Variants in LAMC1 observed in about 807,000 individuals in gnomAD.
LAMC1 encodes laminin subunit gamma-1.
A neutral mutation model predicts 173.6 loss-of-function variants in LAMC1; 38 were observed. The ratio of observed to expected loss-of-function variants is 0.22; its 90% CI spans 0.17 to 0.29. LAMC1 has a LOEUF of 0.29. Ranked by LOEUF, LAMC1 falls within the 10% of genes least tolerant of loss-of-function variation. The probability of loss-of-function intolerance (pLI) is 1.00; values close to 1 mark genes in which losing one functional copy is unlikely to be tolerated. For synonymous variants in LAMC1, 746 were observed against 749.1 expected, an observed-to-expected ratio of 1.00 and a Z score of 0.07; for missense variants, 1,824 against 2,051.8, an observed-to-expected ratio of 0.89 and a Z score of 2.14.
In LAMC1 at chr1:183,130,374, A is replaced by G. The variant is rs774920270; in HGVS notation, c.3311A>G (p.Gln1104Arg). 6.2e-6 allele frequency: 10 copies of G among 1,614,234 alleles called. No homozygotes were observed. The East Asian group carries it at 2.0e-4, about 32-fold the overall frequency. Residue 1104 changes from glutamine (Q) to arginine (R), a missense_variant, in exon 19 of 28, where the codon CAG becomes CGG. Coordinates refer to ENST00000258341, the MANE Select transcript of LAMC1 (RefSeq NM_002293.4). ...DVDQNLMDRLQRVNNTLSSQI... is the reference protein window; with the variant it reads ...DVDQNLMDRLRRVNNTLSSQI... ...GACCAGAATTTGATGGATCGCCTAC[A>G]GAGAGTGAATAACACTCTGTCCAGC... is the stretch of plus-strand genomic sequence containing the variant.
intron 1 of LAMC1, among the ~76,000 whole-genome samples, chr1:183,060,398 A>C (rs1654713002): frequency 6.6e-6 from 1 of 151,916 alleles, no homozygotes. Context: ...AAAAAGAAAA[A>C]AAAAAAAAAA....
intron 11 of LAMC1, among the ~76,000 whole-genome samples, chr1:183,121,017 G>C (rs182157793): frequency 6.6e-6 from 1 of 152,016 alleles, no homozygotes; most frequent in Non-Finnish European, 1.5e-5. Context: ...CCACACTCTT[G>C]TTCATATCTC....
chr1:183,128,820 G>A, intron 18 of LAMC1, 70 bp downstream of exon 18: 3 of 881,002 alleles, frequency 3.4e-6, no homozygotes, highest in Non-Finnish European at 4.8e-6. Context: ...CCTAAAGCAA[G>A]GTTAGTATAG....
At chr1:183,062,651 T>TA (rs1041591216) in intron 1 of LAMC1, among the ~76,000 whole-genome samples, 4 of 151,566 alleles carry the variant, frequency 2.6e-5, no homozygotes, top group Non-Finnish European at 5.9e-5. Flanking sequence ...TCTAAAAAAA[T>TA]AAAAAACTTT....
intron 1 of LAMC1, among the ~76,000 whole-genome samples, chr1:183,082,622 C>A (rs1015745692): frequency 6.6e-6 from 1 of 152,190 alleles, no homozygotes; most frequent in Non-Finnish European, 1.5e-5. Flanking sequence ...CTGTGTCTTA[C>A]ATTTTAGAAT....
At chr1:183,124,512 C>T in intron 13 of LAMC1, 119 bp from the exon 14 acceptor site, 1 of 1,246,508 alleles carries the variant, frequency 8.0e-7, no homozygotes, top group Non-Finnish European at 1.1e-6. Context: ...CTCTGCCCTC[C>T]ACTGCACCAT....
intron 27 of LAMC1, among the ~76,000 whole-genome samples, chr1:183,142,012 T>G (rs2102118675): frequency 6.6e-6 from 1 of 152,302 alleles, no homozygotes; most frequent in South Asian, 2.1e-4. Flanking sequence ...ATTTCAGCAT[T>G]TTACTCCTGG....
rs1362267380 is a variant in LAMC1 at position 183,134,726 on chromosome 1, G to A, written c.3916G>A (p.Asp1306Asn). 6.2e-7 allele frequency: 1 copy of A among 1,613,230 alleles called. No individual in the cohort carries two copies. The highest frequency in any genetic ancestry group is 8.5e-7 in the Non-Finnish European group (1 of 1,179,346). Residue 1306 changes from aspartate (D) to asparagine (N), a missense_variant, in exon 23 of 28, where the codon GAT becomes AAT. Physicochemically the swap from Asp to Asn is conservative, Grantham distance 23. Coordinates refer to ENST00000258341, the MANE Select transcript of LAMC1 (RefSeq NM_002293.4). ...LEQLIDQKLKDYEDLREDMRG... is the reference protein window; with the variant it reads ...LEQLIDQKLKNYEDLREDMRG... ...ACAACTGATTGACCAGAAATTAAAA[G>A]ATTATGAGGACCTCAGAGAAGATAT...
chr1:183,063,283 A>G (rs1326163563), intron 1 of LAMC1, among the ~76,000 whole-genome samples: 2 of 150,716 alleles, frequency 1.3e-5, no homozygotes, highest in East Asian at 3.9e-4. Context: ...AAGATAGGCA[A>G]GTTCATGCAT....
intron 1 of LAMC1, among the ~76,000 whole-genome samples, chr1:183,045,441 A>G (rs543440965): frequency 6.6e-6 from 1 of 152,184 alleles, no homozygotes; most frequent in East Asian, 1.9e-4. Context: ...TGAGCTTTGT[A>G]AAAATGGTAT....
At chr1:183,108,081 T>C (rs566492285) in intron 2 of LAMC1, among the ~76,000 whole-genome samples, 195 bp from the exon 3 acceptor site, 126 of 152,172 alleles carry the variant, frequency 8.3e-4, no homozygotes, top group African/African-American at 2.8e-3. Context: ...AAGTAACAAA[T>C]TAAAGAAGGG....
At chr1:183,141,010 A>G (rs1324942159) in intron 27 of LAMC1, 1 of 152,256 alleles carries the variant, frequency 6.6e-6, no homozygotes, top group Non-Finnish European at 1.5e-5. Flanking sequence ...TAGTAGAATA[A>G]AAGAATAGTA....
At chr1:183,105,698 A>G (rs1407734404) in intron 2 of LAMC1, among the ~76,000 whole-genome samples, 1 of 152,092 alleles carries the variant, frequency 6.6e-6, no homozygotes, top group East Asian at 1.9e-4. Context: ...ATGCAGTAAC[A>G]TGAGTTACGT....
intron 1 of LAMC1, among the ~76,000 whole-genome samples, chr1:183,035,383 C>G (rs372886932): frequency 6.6e-5 from 10 of 152,236 alleles, no homozygotes; most frequent in African/African-American, 2.4e-4. Context: ...GATGGGGTCT[C>G]TCTGTGTTGT....
chr1:183,053,034 G>T (rs773460151), intron 1 of LAMC1, among the ~76,000 whole-genome samples: 5 of 152,158 alleles, frequency 3.3e-5, no homozygotes, highest in African/African-American at 9.7e-5. Flanking sequence ...CCTAGTGTTG[G>T]TTGGAGTTCT....
chr1:183,127,816 CGG>C (rs1477074890), intron 17 of LAMC1, among the ~76,000 whole-genome samples: 2 of 152,010 alleles, frequency 1.3e-5, no homozygotes, highest in African/African-American at 4.8e-5. Context: ...TTTTTTAAGA[CGG>C]GAGAGGTTGG....
intron 1 of LAMC1, among the ~76,000 whole-genome samples, chr1:183,059,766 G>A (rs757329019): frequency 1.3e-5 from 2 of 152,194 alleles, no homozygotes; most frequent in Non-Finnish European, 2.9e-5. Context: ...GGCTGGGATC[G>A]TGTGTGGCAT....
At chr1:183,030,598 T>C (rs1653825575) in intron 1 of LAMC1, among the ~76,000 whole-genome samples, 1 of 152,210 alleles carries the variant, frequency 6.6e-6, no homozygotes, top group Non-Finnish European at 1.5e-5. Context: ...TAATAGCTAA[T>C]ATTAAATGTA....
intron 1 of LAMC1, among the ~76,000 whole-genome samples, chr1:183,030,514 C>G (rs1238713226): frequency 6.6e-6 from 1 of 152,168 alleles, no homozygotes; most frequent in Non-Finnish European, 1.5e-5. Flanking sequence ...TTAAATTCTT[C>G]AAAGCAAAAC....
Sources: gnomAD v4.1 joint callset for allele counts (sites outside exome capture counted in the v4.1 genomes callset) on GRCh38, gnomAD v4.1.1 for gene constraint, MANE v1.5 for transcripts, NCBI Gene and HGNC (gene_info 2026-07-23, HGNC 2026-07-21) for gene names.